CHMP5: variants seen among roughly 807,000 people sequenced by gnomAD.
The protein encoded by CHMP5 is charged multivesicular body protein 5, also known as SNF7 domain containing 2.
In CHMP5, 17 loss-of-function variants were observed where a neutral mutation model predicts 33.0. The ratio of observed to expected loss-of-function variants is 0.52; its 90% CI spans 0.35 to 0.77. The LOEUF (loss-of-function observed/expected upper bound fraction) is 0.77, where lower values mean the gene tolerates loss of function less well. Among genes scored for constraint, CHMP5 ranks in the 30% least tolerant of loss-of-function variants. The pLI, the probability that CHMP5 is intolerant of heterozygous loss-of-function variation, is 0.01. For synonymous variants in CHMP5, 76 were observed against 90.2 expected (o/e 0.84, Z 0.89); for missense variants, 216 against 261.5 (o/e 0.83, Z 1.20).
At chr9:33,276,606 C>T in intron 6 of CHMP5, 42 bp downstream of exon 6, 1 of 1,045,406 alleles carries the variant, frequency 9.6e-7, no homozygotes, top group African/African-American at 1.6e-5. Context: ...TTTTGGAGTC[C>T]AAAAGCAACA....
chr9:33,265,928 CTG>C (rs1465165396), intron 1 of CHMP5, 80 bp from the exon 2 acceptor site: 2 of 840,216 alleles, frequency 2.4e-6, no homozygotes, highest in East Asian at 5.3e-5. Context: ...TTTTCTTCCT[CTG>C]TATTCCTTCC....
chr9:33,280,665 A>T, intron 7 of CHMP5, 144 bp from the exon 8 acceptor site: 2 of 637,816 alleles, frequency 3.1e-6, no homozygotes, highest in South Asian at 2.6e-5. Context: ...TTCATGAAAA[A>T]GCTTGTTCTC....
rs144189616 is a variant in CHMP5 at position 33,272,309 on chromosome 9, G to C, written c.387+1086G>C. On this transcript the variant is annotated intron_variant, in intron 5 of 7. Transcript: ENST00000223500. ...GATTTTGTTCACTACTGTGTCCCCA[G>C]TGCCCATAACAATGCCCTGCCATGG... Among the ~76,000 whole-genome samples, 11 of 150,938 alleles carry C rather than the reference G, an allele frequency of 7.3e-5. No individual in the cohort carries two copies. The East Asian group carries it at 2.1e-3, about 29-fold the overall frequency.
At chr9:33,275,047 CA>C (rs1419561675) in intron 5 of CHMP5, among the ~76,000 whole-genome samples, 2 of 152,160 alleles carry the variant, frequency 1.3e-5, no homozygotes, top group Non-Finnish European at 2.9e-5. Flanking sequence ...ACCATTATAC[CA>C]GCTGCCCTTT....
In CHMP5 at chr9:33,265,167, T is replaced by C; in HGVS notation, c.69+20T>C. The C allele has an allele frequency of 1.2e-6, 2 of 1,613,400 alleles. No individual in the cohort carries two copies. The highest frequency in any genetic ancestry group is 2.2e-5 in the South Asian group (2 of 91,058). On this transcript the variant is annotated intron_variant, in intron 1 of 7. Transcript: ENST00000223500. ...GGCACGGTGGGCATTTGATCATGCA[T>C]AAGTAGGCTCAGGACCTCTGACACA...
Position 33,273,481 on chromosome 9 carries a change from C to T in CHMP5, c.387+2258C>T, listed in dbSNP as rs554238316. Among the ~76,000 whole-genome samples the T allele has an allele frequency of 2.0e-5, 3 of 152,236 alleles. No homozygotes were observed. The East Asian group carries it at 5.8e-4, about 29-fold the overall frequency. ...TGCCTAATTATCCTTTTCCTGTCCT[C>T]CAATAGATTGCCAGCATGACAGGTG... On this transcript the variant is annotated intron_variant, in intron 5 of 7. Transcript: ENST00000223500.
At chr9:33,269,546 T>C (rs1820768513) in intron 3 of CHMP5, among the ~76,000 whole-genome samples, 3 of 152,050 alleles carry the variant, frequency 2.0e-5, no homozygotes, top group Admixed American at 6.5e-5. Context: ...AAAATATGCC[T>C]GTCTTCAAGG....
chr9:33,271,654 A>G (rs1820795961), intron 5 of CHMP5, among the ~76,000 whole-genome samples: 1 of 152,230 alleles, frequency 6.6e-6, no homozygotes. Flanking sequence ...AGCACAATTA[A>G]GGTAGGCTAG....
chr9:33,271,147 C>T lies in CHMP5; in HGVS notation c.316-5C>T, dbSNP rs1820789145. The T allele has an allele frequency of 1.9e-6, 3 of 1,607,084 alleles. No individual in the cohort carries two copies. Among genetic ancestry groups the T allele is most frequent in the African/African-American group, 1.3e-5 (1 of 74,758 alleles). The stretch of plus-strand genomic sequence containing the variant: ...AACATTGTGTTTTCTTCTTCCTTTT[C>T]TTAGGTTGATGCTATGAAACTGGGA... On this transcript the variant is annotated splice_polypyrimidine_tract_variant and splice_region_variant and intron_variant, in intron 4 of 7. Coordinates refer to ENST00000223500, the MANE Select transcript of CHMP5 (RefSeq NM_016410.6).
rs747930802 is a variant in CHMP5 at position 33,276,565 on chromosome 9, G to A, written c.496+1G>A. 6.4e-7 allele frequency: 1 copy of A among 1,558,340 alleles called. No individual in the cohort carries two copies. Among genetic ancestry groups the A allele is most frequent in the East Asian group, 2.2e-5 (1 of 44,494 alleles). On this transcript the variant is annotated splice_donor_variant, in intron 6 of 7. Transcript: ENST00000223500. LOFTEE classifies it high-confidence loss of function. The stretch of plus-strand genomic sequence containing the variant: ...CTGGATGAAGATGATTTAGAAGCAG[G>A]TAAGTTATGAGAAAAGTAATGTATA...
rs1470755158 is a variant in CHMP5, at chr9:33,267,848, T to G, written c.175-5T>G. On this transcript the variant is annotated splice_polypyrimidine_tract_variant and splice_region_variant and intron_variant, in intron 2 of 7. Transcript: ENST00000223500. ...TATTTTTATTAAATCTGTTTTTCTC[T>G]CCAGAATATGGTCAAGCAGAAAGCC... 1 of 1,605,608 alleles carries G rather than the reference T, an allele frequency of 6.2e-7. No homozygotes were observed. The highest frequency in any genetic ancestry group is 8.5e-7 in the Non-Finnish European group (1 of 1,172,620).
At position 33,276,625 on chromosome 9, in the gene CHMP5, G is replaced by C. The variant is rs547794342; in HGVS notation, c.496+61G>C. 18 of 882,472 alleles carry C rather than the reference G, an allele frequency of 2.0e-5. No individual in the cohort carries two copies. In the African/African-American group the frequency reaches 2.9e-4, roughly 14 times the overall value. 54.7% of individuals were successfully genotyped at this position (882,472 alleles called of 1,614,324 possible). ...GGAGTCCAAAAGCAACAGCTGCCTG[G>C]GACCTTTTCTCAAATGCTAGTGAAA... On this transcript the variant is annotated intron_variant, in intron 6 of 7. Coordinates refer to ENST00000223500, the MANE Select transcript of CHMP5 (RefSeq NM_016410.6).
At chr9:33,277,696 G>T (rs1349928563) in intron 6 of CHMP5, 1 of 159,140 alleles carries the variant, frequency 6.3e-6, no homozygotes, top group African/African-American at 2.4e-5. Flanking sequence ...GGTGTCAAGG[G>T]TGGCTGTCAG....
At chr9:33,271,808 A>G (rs985729160) in intron 5 of CHMP5, among the ~76,000 whole-genome samples, 1 of 152,230 alleles carries the variant, frequency 6.6e-6, no homozygotes, top group Non-Finnish European at 1.5e-5. Context: ...ATGAGCTAGT[A>G]TCTCTACACA....
intron 6 of CHMP5, among the ~76,000 whole-genome samples, chr9:33,277,128 A>G (rs1202929316): frequency 6.9e-6 from 1 of 144,820 alleles, no homozygotes; most frequent in Non-Finnish European, 1.5e-5. Context: ...CCCAGGAGGT[A>G]GAGGTTCCAG....
At chr9:33,273,224 G>A (rs1035068822) in intron 5 of CHMP5, among the ~76,000 whole-genome samples, 1 of 151,406 alleles carries the variant, frequency 6.6e-6, no homozygotes, top group African/African-American at 2.4e-5. Flanking sequence ...CGCCCACCTC[G>A]GCCTCCCAAA....
intron 3 of CHMP5, among the ~76,000 whole-genome samples, 178 bp downstream of exon 3, chr9:33,268,077 A>G (rs539253290): frequency 1.3e-5 from 2 of 152,358 alleles, no homozygotes; most frequent in South Asian, 4.1e-4. Flanking sequence ...CTTCCATCTA[A>G]ATAGAACTTT....
intron 4 of CHMP5, 32 bp downstream of exon 4, chr9:33,270,748 A>C: frequency 5.3e-6 from 8 of 1,520,258 alleles, no homozygotes; most frequent in South Asian, 1.1e-5. Flanking sequence ...CTGTTATTTC[A>C]TGTATTTATT....
chr9:33,272,809 TAA>T (rs1564086750), intron 5 of CHMP5, among the ~76,000 whole-genome samples: 1 of 151,346 alleles, frequency 6.6e-6, no homozygotes, highest in African/African-American at 2.4e-5. Flanking sequence ...CAAAAAAAAA[TAA>T]AAGAGTGAAG....
Sources: allele counts gnomAD v4.1 joint callset (sites outside exome capture counted in the v4.1 genomes callset), GRCh38; gene constraint gnomAD v4.1.1; transcripts MANE v1.5; gene names NCBI Gene and HGNC (gene_info 2026-07-23, HGNC 2026-07-21).